Variants in WBP4 observed in about 807,000 individuals in gnomAD.
The protein encoded by WBP4 is WW domain binding protein 4.
A neutral mutation model predicts 55.4 loss-of-function variants in WBP4; 37 were observed. The ratio of observed to expected loss-of-function variants is 0.67; its 90% confidence interval spans 0.51 to 0.88. The LOEUF is 0.88. Among genes scored for constraint, WBP4 ranks in the 40% least tolerant of loss-of-function variants. The pLI, the probability that WBP4 is intolerant of heterozygous loss-of-function variation, is 0.00. For missense variants in WBP4, 398 were observed against 420.8 expected, an observed-to-expected ratio of 0.95 and a Z score of 0.47; for synonymous variants, 142 against 140.2, an observed-to-expected ratio of 1.01 and a Z score of -0.09.
Position 41,065,307 on chromosome 13 carries a change from A to AG in WBP4, c.262+20_262+21insG, listed in dbSNP as rs764383605. ...AGTCAGGTAAAAAAAAAAAAAAAAAAAAAGCAGCCAGCATGTTTTAAAAGT... is the reference window on the plus strand; with the variant it reads ...AGTCAGGTAAAAAAAAAAAAAAAAAAGAAAGCAGCCAGCATGTTTTAAAAGT... On this transcript the variant is annotated intron_variant, in intron 4 of 9. Transcript: ENST00000379487. 1.3e-6 allele frequency: 2 copies of AG among 1,554,362 alleles called. No homozygotes were observed. Among genetic ancestry groups the AG allele is most frequent in the Non-Finnish European group, 1.7e-6 (2 of 1,159,898 alleles).
intron 7 of WBP4, among the ~76,000 whole-genome samples, chr13:41,074,165 T>A (rs1234198975): frequency 6.6e-6 from 1 of 152,104 alleles, no homozygotes; most frequent in Admixed American, 6.5e-5. Context: ...TCTCCTGACC[T>A]CGTGATCCGC....
chr13:41,080,895 G>A, intron 9 of WBP4, 86 bp downstream of exon 9: 2 of 1,395,664 alleles, frequency 1.4e-6, no homozygotes, highest in Non-Finnish European at 2.0e-6. Context: ...GTAATTTCAA[G>A]GATGCTGTGC....
Position 41,070,768 on chromosome 13 carries a change from T to C in WBP4, c.440-759T>C, listed in dbSNP as rs75782535. 2.7e-3 allele frequency among the ~76,000 whole-genome samples: 416 copies of C among 152,056 alleles called. 8 individuals carry two copies. The East Asian group carries it at 0.049, about 18-fold the overall frequency. ...GTGAGTGTTACATATATTAAAGGAA[T>C]GGATAGAAGAAAAGCCAGCAAAAGA... On this transcript the variant is annotated intron_variant, in intron 5 of 9. Transcript: ENST00000379487.
rs117069710 is a variant in WBP4, at chr13:41,061,529, G to T, written c.-145G>T. 19,653 of 1,310,700 alleles carry T rather than the reference G, an allele frequency of 0.015. 184 individuals carry two copies. The highest frequency in any genetic ancestry group is 0.017 in the Non-Finnish European group (16,209 of 931,510). 81.2% of individuals were successfully genotyped at this position (1,310,700 alleles called of 1,614,324 possible). ...CACCCGTAGTTGGGAACAGCGGAAC[G>T]CTGGTCCCGGGGACTGAGTAAGGTG... On this transcript the variant is annotated 5_prime_UTR_variant, in exon 1 of 10. Transcript: ENST00000379487.
chr13:41,080,426 T>C (rs1453464850), intron 8 of WBP4, among the ~76,000 whole-genome samples: 1 of 152,148 alleles, frequency 6.6e-6, no homozygotes. Flanking sequence ...GACATTAAGG[T>C]GGTGATTTAG....
intron 7 of WBP4, among the ~76,000 whole-genome samples, chr13:41,073,412 G>T (rs909350766): frequency 6.6e-6 from 1 of 152,034 alleles, no homozygotes; most frequent in Non-Finnish European, 1.5e-5. Flanking sequence ...CTACTTGGGA[G>T]GCTGAGACAG....
intron 8 of WBP4, 135 bp downstream of exon 8, chr13:41,076,372 G>A (rs570275647): frequency 6.8e-5 from 46 of 679,448 alleles, no homozygotes; most frequent in Non-Finnish European, 7.7e-5. Flanking sequence ...TCCACCTTCC[G>A]GGTTCAAGCA....
At chr13:41,064,627 G>A (rs751409210) in intron 2 of WBP4, among the ~76,000 whole-genome samples, 36 of 152,104 alleles carry the variant, frequency 2.4e-4, no homozygotes, top group Non-Finnish European at 4.1e-4. Flanking sequence ...GACAAATAGA[G>A]CAATAAAATT....
chr13:41,064,045 C>T (rs957024241), intron 2 of WBP4, among the ~76,000 whole-genome samples: 3 of 151,718 alleles, frequency 2.0e-5, no homozygotes, highest in African/African-American at 7.3e-5. Context: ...CATCTAGTGG[C>T]CATCACTCCC....
intron 2 of WBP4, 99 bp from the exon 3 acceptor site, chr13:41,064,917 A>T: frequency 8.9e-7 from 1 of 1,123,138 alleles, no homozygotes; most frequent in Non-Finnish European, 1.2e-6. Context: ...CATTCATTTT[A>T]ATTTTAATTT....
intron 7 of WBP4, among the ~76,000 whole-genome samples, chr13:41,075,558 GT>G (rs1447749960): frequency 1.3e-5 from 2 of 151,992 alleles, no homozygotes; most frequent in African/African-American, 4.8e-5. Context: ...CTTTTTAATT[GT>G]TTGTAGAGAC....
chr13:41,065,690 A>G (rs80148247), intron 4 of WBP4, among the ~76,000 whole-genome samples: 106 of 152,304 alleles, frequency 7.0e-4, no homozygotes, highest in African/African-American at 2.5e-3. Context: ...TGAGTCTTGT[A>G]TATTTATATG....
intron 7 of WBP4, among the ~76,000 whole-genome samples, chr13:41,073,228 C>T (rs1003886875): frequency 7.9e-5 from 12 of 152,142 alleles, no homozygotes; most frequent in African/African-American, 2.9e-4. Context: ...AAAAATAAAA[C>T]TGTGGCCGGG....
chr13:41,062,653 C>A lies in WBP4; in HGVS notation c.12C>A (p.Tyr4Ter), dbSNP rs1323797917. MAD[Y>*]WKSQPKKFCD... is the part of the protein sequence containing the mutation. Reference sequence around the variant, plus strand: ...TGTCTCTCTTTTTCAGGGCGGACTACTGGAAGTCACAGCCAAAGAAATTCT... The same window carrying A: ...TGTCTCTCTTTTTCAGGGCGGACTAATGGAAGTCACAGCCAAAGAAATTCT... The change falls in exon 2 of 10, where the codon TAC becomes TAA. Residue 4 changes from tyrosine to a stop codon, truncating the protein, a stop_gained. Transcript: ENST00000379487. LOFTEE classifies it high-confidence loss of function. 2.1e-5 allele frequency: 34 copies of A among 1,613,656 alleles called. No individual in the cohort carries two copies. Among genetic ancestry groups the A allele is most frequent in the Non-Finnish European group, 2.7e-5 (32 of 1,179,824 alleles).
intron 6 of WBP4, among the ~76,000 whole-genome samples, chr13:41,072,169 G>A (rs560804291): frequency 6.6e-6 from 1 of 152,090 alleles, no homozygotes; most frequent in South Asian, 2.1e-4. Context: ...AATTGTTCCT[G>A]GCTTTCAAAG....
chr13:41,067,084 G>A (rs976562103), intron 4 of WBP4, among the ~76,000 whole-genome samples: 1 of 152,074 alleles, frequency 6.6e-6, no homozygotes, highest in South Asian at 2.1e-4. Context: ...GACCTCCCGG[G>A]CTCCAGTGAT....
intron 8 of WBP4, among the ~76,000 whole-genome samples, chr13:41,078,165 AAAG>A (rs879326897): frequency 6.6e-6 from 1 of 152,224 alleles, no homozygotes; most frequent in Non-Finnish European, 1.5e-5. Flanking sequence ...TGAAACCAAA[AAAG>A]AGCCTCAATA....
At position 41,080,714 on chromosome 13, in the gene WBP4, GA is replaced by G. The variant is rs1878733469; in HGVS notation, c.827del (p.Asn276IlefsTer3). The G allele has an allele frequency of 1.2e-6, 2 of 1,605,830 alleles. No homozygotes were observed. The highest frequency in any genetic ancestry group is 1.7e-6 in the Non-Finnish European group (2 of 1,177,854). Reference sequence around the variant, plus strand: ...AGAAAGAAAAAAGTATTCAGAAACAGAATTCATTAGGTTCAAATGAAGAAAA... The same window carrying G: ...AGAAAGAAAAAAGTATTCAGAAACAGATTCATTAGGTTCAAATGAAGAAAA... ...TQKEKSIQKQ[N>X]SLGSNEEKSK... On this transcript the variant is annotated frameshift_variant, in exon 9 of 10. Transcript: ENST00000379487. LOFTEE classifies it high-confidence loss of function.
At chr13:41,073,173 A>T in intron 7 of WBP4, among the ~76,000 whole-genome samples, 1 of 152,202 alleles carries the variant, frequency 6.6e-6, no homozygotes, top group East Asian at 1.9e-4. Context: ...ATTACCTTGG[A>T]AGGTAGCTTA....
Sources: gnomAD v4.1 joint callset for allele counts (sites outside exome capture counted in the v4.1 genomes callset) on GRCh38, gnomAD v4.1.1 for gene constraint, MANE v1.5 for transcripts, NCBI Gene and HGNC (gene_info 2026-07-23, HGNC 2026-07-21) for gene names.